The following KRABD5 variants were observed in gnomAD, a reference collection of about 807,000 sequenced individuals.
KRABD5 encodes KRAB domain containing 5, also known as KRAB domain-containing protein 5.
chr16:31,746,652 A>G, the KRABD5 span, among the ~76,000 whole-genome samples: 3 of 152,106 alleles, frequency 2.0e-5, no homozygotes, highest in Admixed American at 6.6e-5. Flanking sequence ...CTGAATTTGC[A>G]TAGTGGCCTG....
the KRABD5 span, chr16:31,758,972 T>C: frequency 6.2e-6 from 1 of 162,386 alleles, no homozygotes; most frequent in Middle Eastern, 3.2e-3. Flanking sequence ...AACTGTTCTG[T>C]AGCAAATTTT....
At chr16:31,753,735 T>TG in the KRABD5 span, 2 of 1,445,304 alleles carry the variant, frequency 1.4e-6, no homozygotes, top group Non-Finnish European at 1.8e-6. Flanking sequence ...ATTTAGTAAT[T>TG]GGAATTTTGA....
the KRABD5 span, chr16:31,761,483 G>A: frequency 3.3e-5 from 5 of 152,036 alleles, no homozygotes; most frequent in East Asian, 3.9e-4. Flanking sequence ...TTGTATTTTC[G>A]TATTCTATTG....
the KRABD5 span, among the ~76,000 whole-genome samples, chr16:31,728,180 T>C: frequency 1.3e-5 from 2 of 152,222 alleles, no homozygotes; most frequent in Non-Finnish European, 2.9e-5. Flanking sequence ...GAGTCCTCTC[T>C]CTTTTTGATC....
At chr16:31,724,183 C>T in the KRABD5 span, among the ~76,000 whole-genome samples, 282 of 152,058 alleles carry the variant, frequency 1.9e-3, 3 homozygotes, top group Middle Eastern at 3.4e-3. Flanking sequence ...TCTTTATGTT[C>T]GTTTTCTTTC....
the KRABD5 span, among the ~76,000 whole-genome samples, chr16:31,724,658 C>T: frequency 6.7e-6 from 1 of 149,474 alleles, no homozygotes; most frequent in African/African-American, 2.5e-5. Flanking sequence ...CGCCACTGCA[C>T]TCCAGCCTGG....
the KRABD5 span, among the ~76,000 whole-genome samples, chr16:31,741,174 G>C: frequency 6.6e-6 from 1 of 152,040 alleles, no homozygotes; most frequent in South Asian, 2.1e-4. Context: ...AGTATTCCAC[G>C]GTGTATATGT....
At chr16:31,746,578 T>G in the KRABD5 span, among the ~76,000 whole-genome samples, 2 of 152,232 alleles carry the variant, frequency 1.3e-5, no homozygotes, top group African/African-American at 4.8e-5. Flanking sequence ...TTGGAGAATC[T>G]GATGAGTATG....
the KRABD5 span, chr16:31,757,686 G>C: frequency 1.3e-5 from 2 of 152,150 alleles, no homozygotes; most frequent in Admixed American, 1.3e-4. Context: ...AATATATGGA[G>C]GCTGTTTCTC....
the KRABD5 span, among the ~76,000 whole-genome samples, chr16:31,746,094 T>C: frequency 2.0e-5 from 3 of 152,208 alleles, no homozygotes; most frequent in East Asian, 1.9e-4. Context: ...TGTCTTTTAA[T>C]TGAGACATTT....
At chr16:31,721,934 C>A in the KRABD5 span, among the ~76,000 whole-genome samples, 3 of 152,102 alleles carry the variant, frequency 2.0e-5, no homozygotes, top group African/African-American at 7.2e-5. Flanking sequence ...TTGCTGAACA[C>A]AATAAAATTT....
chr16:31,734,880 G>A, the KRABD5 span, among the ~76,000 whole-genome samples: 1 of 151,912 alleles, frequency 6.6e-6, no homozygotes, highest in Non-Finnish European at 1.5e-5. Flanking sequence ...CTGAGTAGCT[G>A]TGATTACAGG....
the KRABD5 span, among the ~76,000 whole-genome samples, chr16:31,730,109 A>G: frequency 6.6e-6 from 1 of 152,100 alleles, no homozygotes; most frequent in Non-Finnish European, 1.5e-5. Flanking sequence ...TACCATTTCC[A>G]GTGATGTTTG....
chr16:31,727,764 G>A, the KRABD5 span, among the ~76,000 whole-genome samples: 29 of 152,120 alleles, frequency 1.9e-4, no homozygotes, highest in African/African-American at 6.0e-4. Context: ...TTTCTTCTAA[G>A]TTATCCAATT....
At chr16:31,716,837 C>T in the KRABD5 span, among the ~76,000 whole-genome samples, 1 of 152,184 alleles carries the variant, frequency 6.6e-6, no homozygotes, top group Admixed American at 6.5e-5. Context: ...TGAGACTTAA[C>T]TCTTCTTGAA....
chr16:31,744,777 A>AT, the KRABD5 span, among the ~76,000 whole-genome samples: 1 of 152,098 alleles, frequency 6.6e-6, no homozygotes, highest in African/African-American at 2.4e-5. Context: ...TTGGTAGGCT[A>AT]TTATTGCCTC....
At chr16:31,746,653 T>C in the KRABD5 span, among the ~76,000 whole-genome samples, 8 of 152,340 alleles carry the variant, frequency 5.3e-5, no homozygotes, top group South Asian at 1.2e-3. Flanking sequence ...TGAATTTGCA[T>C]AGTGGCCTGA....
At chr16:31,754,253 A>G in the KRABD5 span, 1 of 640,888 alleles carries the variant, frequency 1.6e-6, no homozygotes, top group East Asian at 2.7e-5. Context: ...AATTTGATGG[A>G]TCTTTGTTAA....
the KRABD5 span, chr16:31,723,318 A>G: frequency 1.2e-6 from 2 of 1,614,026 alleles, no homozygotes; most frequent in African/African-American, 1.3e-5. Flanking sequence ...GAGCCCTGGA[A>G]TGTGAAGAGT....
Sources: allele counts gnomAD v4.1 joint callset (sites outside exome capture counted in the v4.1 genomes callset), GRCh38; gene constraint gnomAD v4.1.1; transcripts MANE v1.5; gene names NCBI Gene and HGNC (gene_info 2026-07-23, HGNC 2026-07-21).